AMACR: variants seen among roughly 807,000 people sequenced by gnomAD.
The protein encoded by AMACR is 2-methylacyl-CoA racemase.
AMACR carries 18 observed loss-of-function variants against 22.2 expected under a neutral mutation model. That is an observed-to-expected ratio of 0.81 (90% CI 0.56 to 1.20). The LOEUF is 1.20. Among genes scored for constraint, AMACR ranks in the 50% most tolerant of loss-of-function variants. The probability of loss-of-function intolerance (pLI) is 0.00; values close to 1 mark genes in which losing one functional copy is unlikely to be tolerated. For missense variants in AMACR, 499 were observed against 490.6 expected (o/e 1.02, Z -0.16); for synonymous variants, 213 against 191.3 (o/e 1.11, Z -0.94).
At chr5:33,995,930 C>T (rs1753619105) in intron 4 of AMACR, among the ~76,000 whole-genome samples, 1 of 152,148 alleles carries the variant, frequency 6.6e-6, no homozygotes, top group South Asian at 2.1e-4. Flanking sequence ...TAATTTCAAC[C>T]CTCTCCCTGT....
intron 4 of AMACR, chr5:33,994,002 T>G (rs1225512355): frequency 4.4e-6 from 2 of 453,660 alleles, no homozygotes; most frequent in Non-Finnish European, 8.8e-6. Context: ...TTCTCAGTGT[T>G]TTCAGATTAT....
Position 34,005,784 on chromosome 5 carries a change from GCCAGCTAACCGGCAGAAGCTT to G in AMACR, c.342_362del (p.Ser115_Gly121del), listed in dbSNP as rs1485918702. On this transcript the variant is annotated inframe_deletion, in exon 2 of 5. Transcript: ENST00000335606. Reference sequence around the variant, plus strand: ...ACAAAGCCAAATAGTTGATATCGTGGCCAGCTAACCGGCAGAAGCTTCCTGACTGGCCAAATCCACTCAGCC... The same window carrying G: ...ACAAAGCCAAATAGTTGATATCGTGGCCTGACTGGCCAAATCCACTCAGCC... The G allele has an allele frequency of 1.9e-6, 3 of 1,614,068 alleles. No homozygotes were observed. In the Admixed American group the frequency reaches 5.0e-5, roughly 27 times the overall value.
chr5:34,001,635 C>T (rs1310640310), intron 3 of AMACR, among the ~76,000 whole-genome samples: 2 of 152,166 alleles, frequency 1.3e-5, no homozygotes, highest in Non-Finnish European at 2.9e-5. Context: ...CATGTGGGCT[C>T]AGATTGAGTG....
intron 4 of AMACR, chr5:33,997,714 C>A (rs1182273720): frequency 1.7e-6 from 1 of 595,408 alleles, no homozygotes; most frequent in Admixed American, 3.3e-5. Context: ...TCTAGATAAA[C>A]CATTGTGTTC....
At chr5:33,997,473 G>A (rs757142618) in intron 4 of AMACR, 12 of 779,540 alleles carry the variant, frequency 1.5e-5, no homozygotes, top group Admixed American at 3.4e-5. Flanking sequence ...TGCCTGGCAC[G>A]ATACTGCTTC....
rs1251869278 is a variant in AMACR at position 33,998,840 on chromosome 5, A to G, written c.553-13T>C. On this transcript the variant is annotated splice_polypyrimidine_tract_variant and intron_variant, in intron 3 of 4. Coordinates refer to ENST00000335606, the MANE Select transcript of AMACR (RefSeq NM_014324.6). ...CTGTTCCTTCCACCTTTGAGAAAAC[A>G]GAATACAAGACAAATCCAGATAACT... is the stretch of plus-strand genomic sequence containing the variant. 2 of 1,612,962 alleles carry G rather than the reference A, an allele frequency of 1.2e-6. No homozygotes were observed. Among genetic ancestry groups the G allele is most frequent in the African/African-American group, 2.7e-5 (2 of 74,920 alleles).
At position 33,988,414 on chromosome 5, in the gene AMACR, AC is replaced by A; in HGVS notation, c.*678del. ...AGGAAAGCTGACAGCCCAGAGACCCACGGGGAAACAGGCCCCGAGTTACTGG... is the reference window on the plus strand; with the variant it reads ...AGGAAAGCTGACAGCCCAGAGACCCAGGGGAAACAGGCCCCGAGTTACTGG... On this transcript the variant is annotated 3_prime_UTR_variant, in exon 5 of 5. Coordinates refer to ENST00000335606, the MANE Select transcript of AMACR (RefSeq NM_014324.6). The A allele has an allele frequency of 6.5e-7, 1 of 1,536,784 alleles. No individual in the cohort carries two copies. Among genetic ancestry groups the A allele is most frequent in the Non-Finnish European group, 8.7e-7 (1 of 1,146,642 alleles).
At chr5:33,992,156 G>A (rs183670) in intron 4 of AMACR, among the ~76,000 whole-genome samples, 13,833 of 151,992 alleles carry the variant, frequency 0.091, 685 homozygotes, top group East Asian at 0.16. Context: ...TGGGATTACA[G>A]GTGTGAGCCA....
At chr5:34,002,626 C>T (rs1309539780) in intron 3 of AMACR, among the ~76,000 whole-genome samples, 1 of 149,396 alleles carries the variant, frequency 6.7e-6, no homozygotes, top group South Asian at 2.1e-4. Context: ...CAGTTAACCT[C>T]GCCAAGCCTT....
Position 33,991,726 on chromosome 5 carries a change from T to TTTTTTATTATTA in AMACR, c.740-2225_740-2224insTAATAATAAAAA, listed in dbSNP as rs138912654. On this transcript the variant is annotated intron_variant, in intron 4 of 4. Transcript: ENST00000335606. ...CCAGGATGGCAATTGTAAACACTAT[T>TTTTTTATTATTA]TTATTATTATTATTATTATTATTAT... is the stretch of plus-strand genomic sequence containing the variant. Among the ~76,000 whole-genome samples, 10 of 145,200 alleles carry TTTTTTATTATTA rather than the reference T, an allele frequency of 6.9e-5. 1 individual carries two copies. The South Asian group carries it at 8.8e-4, about 13-fold the overall frequency.
intron 3 of AMACR, 46 bp downstream of exon 3, chr5:34,004,500 AAAAAAAGGATTTTAAGCAGCTATATCTT>A: frequency 2.5e-6 from 4 of 1,583,514 alleles, no homozygotes; most frequent in Non-Finnish European, 3.5e-6. Context: ...CTTCTTCTTC[AAAAAAAGGATTTTAAGCAGCTATATCTT>A]AAACTTAGGG....
chr5:34,000,327 A>C (rs1435360694), intron 3 of AMACR, among the ~76,000 whole-genome samples: 1 of 152,234 alleles, frequency 6.6e-6, no homozygotes, highest in Non-Finnish European at 1.5e-5. Context: ...AGTGCAAGAG[A>C]GAGTTTTAGC....
intron 4 of AMACR, chr5:33,997,532 A>G (rs540582787): frequency 2.6e-6 from 2 of 779,754 alleles, no homozygotes; most frequent in East Asian, 4.8e-5. Context: ...GCCAAGGACC[A>G]GAACTCAGAA....
At chr5:33,989,602 T>G in intron 4 of AMACR, 100 bp from the exon 5 acceptor site, 1 of 1,012,516 alleles carries the variant, frequency 9.9e-7, no homozygotes, top group South Asian at 1.4e-5. Context: ...CAAAATAAGA[T>G]GTTCTATAAG....
intron 3 of AMACR, among the ~76,000 whole-genome samples, chr5:34,001,091 C>T (rs1448351550): frequency 6.6e-6 from 1 of 152,220 alleles, no homozygotes; most frequent in East Asian, 1.9e-4. Flanking sequence ...AGTGGCTACC[C>T]TGGCACACGG....
intron 3 of AMACR, among the ~76,000 whole-genome samples, chr5:34,001,456 G>A (rs1369787782): frequency 2.0e-5 from 3 of 152,202 alleles, no homozygotes; most frequent in Non-Finnish European, 4.4e-5. Context: ...GTTGAAGTAC[G>A]GCTGCTGTGA....
At chr5:33,994,038 G>A (rs751978867) in intron 4 of AMACR, 11 of 455,554 alleles carry the variant, frequency 2.4e-5, no homozygotes, top group Non-Finnish European at 4.4e-5. Context: ...TAGCAGGGAC[G>A]CAGCAGAGTA....
chr5:34,002,607 AGAG>A (rs1266378604), intron 3 of AMACR, among the ~76,000 whole-genome samples: 6 of 151,392 alleles, frequency 4.0e-5, no homozygotes, highest in African/African-American at 1.5e-4. Flanking sequence ...CATCTGCTTT[AGAG>A]GAAGGCAGTT....
chr5:33,992,066 A>C (rs1434466194), intron 4 of AMACR, among the ~76,000 whole-genome samples: 1 of 151,958 alleles, frequency 6.6e-6, no homozygotes, highest in Non-Finnish European at 1.5e-5. Flanking sequence ...TTTTTAGTAG[A>C]GATGGGGTTT....
Sources: gnomAD v4.1 joint callset for allele counts (sites outside exome capture counted in the v4.1 genomes callset) on GRCh38, gnomAD v4.1.1 for gene constraint, MANE v1.5 for transcripts, NCBI Gene and HGNC (gene_info 2026-07-23, HGNC 2026-07-21) for gene names.